SREBF2: variants seen among roughly 807,000 people sequenced by gnomAD.
The protein encoded by SREBF2 is sterol regulatory element binding transcription factor 2.
A neutral mutation model predicts 113.1 loss-of-function variants in SREBF2; 55 were observed. The observed-to-expected ratio is 0.49, with a 90% confidence interval of 0.39 to 0.61. The LOEUF (loss-of-function observed/expected upper bound fraction) is 0.61. SREBF2 is among the 20% of genes least tolerant of loss of function. The pLI, the probability that SREBF2 is intolerant of heterozygous loss-of-function variation, is 0.00. For missense variants in SREBF2, 1,349 were observed against 1,487.4 expected (o/e 0.91, Z 1.53); for synonymous variants, 593 against 605.7 (o/e 0.98, Z 0.31).
chr22:41,870,838 A>G (rs750662166), intron 3 of SREBF2, 51 bp from the exon 4 acceptor site: 1 of 1,609,516 alleles, frequency 6.2e-7, no homozygotes, highest in South Asian at 1.1e-5. Context: ...AGGAATGCAT[A>G]ACAGAAGGAT....
intron 2 of SREBF2, 27 bp from the exon 3 acceptor site, chr22:41,868,584 G>A (rs754914641): frequency 6.2e-7 from 1 of 1,613,486 alleles, no homozygotes; most frequent in Non-Finnish European, 8.5e-7. Flanking sequence ...CCTCATCTCT[G>A]TGCCTTCTTT....
In SREBF2 at chr22:41,833,622, G is replaced by A. The variant is rs1419794922; in HGVS notation, c.88+264G>A. ...AGGGTCGCGGGTTCCAGAGCGCGGG[G>A]CTAGGGACGTCGCGGGGGCGTCTCA... On this transcript the variant is annotated intron_variant, in intron 1 of 18. Transcript: ENST00000361204. The surrounding 1 kb of genome is among the most constrained non-coding windows in gnomAD (Gnocchi z 4.1). 2 of 385,404 alleles carry A rather than the reference G, an allele frequency of 5.2e-6. No individual in the cohort carries two copies. The highest frequency in any genetic ancestry group is 9.2e-6 in the Non-Finnish European group (2 of 218,060). 23.9% of individuals were successfully genotyped at this position (385,404 alleles called of 1,614,324 possible).
At chr22:41,900,154 A>C in intron 15 of SREBF2, 176 bp from the exon 16 acceptor site, 1 of 1,502,214 alleles carries the variant, frequency 6.7e-7, no homozygotes, top group African/African-American at 1.4e-5. Context: ...ACCCTAGCTC[A>C]GGGCTGGCAT....
chr22:41,858,984 G>A (rs2413661), intron 1 of SREBF2, among the ~76,000 whole-genome samples: 22 of 151,756 alleles, frequency 1.4e-4, no homozygotes, highest in South Asian at 4.2e-4. Flanking sequence ...TCTACTGGGC[G>A]TGGTGGCGGG....
intron 1 of SREBF2, among the ~76,000 whole-genome samples, chr22:41,838,701 C>T (rs1281465348): frequency 6.6e-6 from 1 of 152,048 alleles, no homozygotes; most frequent in Non-Finnish European, 1.5e-5. Context: ...CCACTGTACT[C>T]CAGCCTAGGT....
intron 10 of SREBF2, among the ~76,000 whole-genome samples, chr22:41,883,202 TGAG>T (rs966591407): frequency 1.3e-5 from 2 of 151,840 alleles, no homozygotes; most frequent in African/African-American, 4.8e-5. Context: ...GTCAGAGAGT[TGAG>T]GAGGGGAGAT....
At position 41,873,971 on chromosome 22, in the gene SREBF2, T is replaced by A; in HGVS notation, c.1041T>A (p.Asn347Lys). ...IIEKRYRSSI[N>K]DKIIELKDLV... ...AGAAACGATATCGCTCCTCCATCAATGACAAAATCATCGAATTGAAAGACC... is the reference window on the plus strand; with the variant it reads ...AGAAACGATATCGCTCCTCCATCAAAGACAAAATCATCGAATTGAAAGACC... Residue 347 changes from asparagine to lysine, a missense_variant, in exon 5 of 19, where the codon AAT becomes AAA. Physicochemically the swap from Asn to Lys is moderately conservative, Grantham distance 94. Transcript: ENST00000361204. 1 of 1,614,108 alleles carries A rather than the reference T, an allele frequency of 6.2e-7. No homozygotes were observed. The highest frequency in any genetic ancestry group is 8.5e-7 in the Non-Finnish European group (1 of 1,180,030).
At chr22:41,880,549 T>G (rs2077235482) in intron 9 of SREBF2, among the ~76,000 whole-genome samples, 167 bp from the exon 10 acceptor site, 1 of 152,158 alleles carries the variant, frequency 6.6e-6, no homozygotes, top group African/African-American at 2.4e-5. Context: ...GGGATGAGAT[T>G]ATAGGTGGTT....
At chr22:41,881,105 CTT>C in intron 10 of SREBF2, 113 bp downstream of exon 10, 1 of 1,394,158 alleles carries the variant, frequency 7.2e-7, no homozygotes, top group Non-Finnish European at 9.7e-7. Flanking sequence ...TAACGCTACT[CTT>C]TTAGAGTGGC....
At position 41,835,309 on chromosome 22, in the gene SREBF2, AT is replaced by A. The variant is rs201960674; in HGVS notation, c.88+1969del. On this transcript the variant is annotated intron_variant, in intron 1 of 18. Transcript: ENST00000361204. ...AGGATTACAGGTGTGAGCCACCTAA[AT>A]TTTTTTTTTTTTTTTTTGAGATGGA... Among the ~76,000 whole-genome samples the A allele has an allele frequency of 0.025, 2,711 of 109,300 alleles. 524 individuals are homozygous for A. The East Asian group carries it at 0.51, about 20-fold the overall frequency. 71.7% of individuals were successfully genotyped at this position (109,300 alleles called of 152,430 possible).
rs141892188 is a variant in SREBF2, at chr22:41,880,820, C to T, written c.1866C>T (p.Asn622=). ...RLDLACSLSW[N]VIRYSLQKLR... Reference sequence around the variant, plus strand: ...ACCTGGCCTGCAGCCTCTCCTGGAACGTGATCCGCTACAGCCTGCAGAAGC... The same window carrying T: ...ACCTGGCCTGCAGCCTCTCCTGGAATGTGATCCGCTACAGCCTGCAGAAGC... The change falls in exon 10 of 19, where the codon AAC becomes AAT. Residue 622 remains asparagine, a synonymous_variant. Coordinates refer to ENST00000361204, the MANE Select transcript of SREBF2 (RefSeq NM_004599.4). 1.7e-5 allele frequency: 27 copies of T among 1,614,056 alleles called. No individual in the cohort carries two copies. The highest frequency in any genetic ancestry group is 1.6e-4 in the Middle Eastern group (1 of 6,082).
At position 41,903,099 on chromosome 22, in the gene SREBF2, C is replaced by T. The variant is rs1032566999; in HGVS notation, c.3037C>T (p.Arg1013Trp). 2.0e-5 allele frequency: 32 copies of T among 1,574,838 alleles called. No homozygotes were observed. The highest frequency in any genetic ancestry group is 2.4e-5 in the East Asian group (1 of 42,362). The change falls in exon 17 of 19, where the codon CGG becomes TGG. Residue 1013 changes from arginine (R) to tryptophan (W), a missense_variant. By Grantham distance (101) the Arg-to-Trp change is moderately radical. Around this residue, in one of 2 missense-constraint regions of SREBF2, gnomAD observed 650 missense variants for 644.1 expected, o/e 1.01. Transcript: ENST00000361204. ...ASGAELAGFQ[R>W]DLGSLRRLAH... The stretch of plus-strand genomic sequence containing the variant: ...AGGCGCTGAACTGGCGGGCTTCCAA[C>T]GGGACCTGGGCAGCCTGCGCAGGCT...
Position 41,833,205 on chromosome 22 carries a change from C to G in SREBF2, c.-66C>G. 7.4e-7 allele frequency: 1 copy of G among 1,344,158 alleles called. No individual in the cohort carries two copies. The allele number at this position is 1,344,158 out of a possible 1,614,324, so 83.3% of individuals were successfully genotyped here. A position where few individuals can be genotyped will look rare whatever the true frequency, so the allele number is the denominator to read the frequency against. ...GGTTGTCGGGTGTCATGGGCGGTGG[C>G]GACGGCACCGCCCCCGCGTCTCCCT... On this transcript the variant is annotated 5_prime_UTR_variant, in exon 1 of 19. Transcript: ENST00000361204. This position sits in a 1 kb window ranked among gnomAD's most constrained non-coding sequence, Gnocchi z 4.1.
intron 1 of SREBF2, among the ~76,000 whole-genome samples, chr22:41,864,325 T>TATA (rs35089584): frequency 0.01 from 729 of 71,054 alleles, 29 homozygotes; most frequent in African/African-American, 0.044. Flanking sequence ...ATATATATAT[T>TATA]TTTTTTTTTT....
chr22:41,896,740 A>T (rs1025101345), intron 13 of SREBF2, among the ~76,000 whole-genome samples: 2 of 152,158 alleles, frequency 1.3e-5, no homozygotes, highest in Non-Finnish European at 2.9e-5. Flanking sequence ...TGCCTGGGAG[A>T]TAAGAAAACT....
At chr22:41,883,701 C>T (rs909449065) in intron 10 of SREBF2, among the ~76,000 whole-genome samples, 2 of 152,136 alleles carry the variant, frequency 1.3e-5, no homozygotes, top group African/African-American at 4.8e-5. Context: ...CACCTGAGGC[C>T]AGTACAGAAT....
chr22:41,852,659 G>C (rs912901401), intron 1 of SREBF2, among the ~76,000 whole-genome samples: 6 of 146,580 alleles, frequency 4.1e-5, no homozygotes, highest in African/African-American at 1.5e-4. Flanking sequence ...AAAATTCTCA[G>C]CTTCTTCATC....
Position 41,897,085 on chromosome 22 carries a change from A to C in SREBF2, c.2529A>C (p.Leu843Phe). Reference sequence around the variant, plus strand: ...CCAGTGCTCTGGAGTACTTGAAATTACTTCATTCTTTTGTGGACTCTGTGG... The same window carrying C: ...CCAGTGCTCTGGAGTACTTGAAATTCCTTCATTCTTTTGTGGACTCTGTGG... ...EFSSALEYLK[L>F]LHSFVDSVGV... Residue 843 changes from leucine (L) to phenylalanine (F), a missense_variant, in exon 14 of 19, where the codon TTA becomes TTC. This residue lies in a region of SREBF2 where 650 missense variants were observed against 644.1 expected (regional missense o/e 1.01). Coordinates refer to ENST00000361204, the MANE Select transcript of SREBF2 (RefSeq NM_004599.4). 6.2e-7 allele frequency: 1 copy of C among 1,613,220 alleles called. No individual in the cohort carries two copies. The highest frequency in any genetic ancestry group is 8.5e-7 in the Non-Finnish European group (1 of 1,179,806).
At chr22:41,846,053 G>T (rs77429886) in intron 1 of SREBF2, among the ~76,000 whole-genome samples, 4,587 of 152,270 alleles carry the variant, frequency 0.03, 228 homozygotes, top group African/African-American at 0.1. Flanking sequence ...ACCAGTGCTG[G>T]TGCTCGAGTG....
Sources: gnomAD v4.1 joint callset for allele counts (sites outside exome capture counted in the v4.1 genomes callset) on GRCh38, gnomAD v4.1.1 for gene constraint, gnomAD v4.1.1 regional missense constraint, Gnocchi (gnomAD v3.1) non-coding constraint, MANE v1.5 for transcripts, NCBI Gene and HGNC (gene_info 2026-07-23, HGNC 2026-07-21) for gene names.